TUT4: variants seen among roughly 807,000 people sequenced by gnomAD.
TUT4 encodes the protein terminal uridylyl transferase 4.
A neutral mutation model predicts 192.2 loss-of-function variants in TUT4; 36 were observed. The observed-to-expected ratio is 0.19, with a 90% CI of 0.14 to 0.25. TUT4 has a LOEUF of 0.25. Among genes scored for constraint, TUT4 ranks in the 10% least tolerant of loss-of-function variants. The pLI, the probability that TUT4 is intolerant of heterozygous loss-of-function variation, is 1.00. For synonymous variants in TUT4, 618 were observed against 666.0 expected (o/e 0.93, Z 1.11); for missense variants, 1,493 against 1,957.2 (o/e 0.76, Z 4.47).
At chr1:52,444,949 G>GTGTATATACATGTATATACATGTATA (rs1557670692) in intron 24 of TUT4, among the ~76,000 whole-genome samples, 3 of 132,748 alleles carry the variant, frequency 2.3e-5, no homozygotes, top group South Asian at 2.4e-4. Flanking sequence ...ATACATGTAT[G>GTGTATATACATGTATATACATGTATA]TGTATATACA....
At chr1:52,453,529 TAAAA>T (rs200257019) in intron 20 of TUT4, among the ~76,000 whole-genome samples, 7 of 141,518 alleles carry the variant, frequency 4.9e-5, no homozygotes, top group Non-Finnish European at 9.3e-5. Context: ...CATTCATGAT[TAAAA>T]AAAAAAAAAA....
At chr1:52,533,905 G>GCAC (rs1254613546) in intron 1 of TUT4, among the ~76,000 whole-genome samples, 1 of 152,220 alleles carries the variant, frequency 6.6e-6, no homozygotes, top group Non-Finnish European at 1.5e-5. Context: ...GGCGGAGATT[G>GCAC]CAGTGAGCTG....
chr1:52,548,046 CACATT>C (rs1178196935), intron 1 of TUT4, among the ~76,000 whole-genome samples: 1 of 152,102 alleles, frequency 6.6e-6, no homozygotes, highest in East Asian at 1.9e-4. Context: ...TACACTATTA[CACATT>C]ACATTAGCCA....
At chr1:52,484,616 G>T (rs1443677111) in intron 9 of TUT4, among the ~76,000 whole-genome samples, 1 of 151,944 alleles carries the variant, frequency 6.6e-6, no homozygotes, top group Non-Finnish European at 1.5e-5. Context: ...CATTTAGCAT[G>T]CTGAGTCCAA....
chr1:52,431,468 C>T lies in TUT4; in HGVS notation c.4264-8G>A. ...ATAAGATGGTGATTCAGACTGCAGA[C>T]AAAAAAAAAATTTTTTTTAATTAAT... On this transcript the variant is annotated splice_polypyrimidine_tract_variant and splice_region_variant and intron_variant, in intron 27 of 29. Coordinates refer to ENST00000257177, the MANE Select transcript of TUT4 (RefSeq NM_001009881.3). 1 of 1,414,178 alleles carries T rather than the reference C, an allele frequency of 7.1e-7. No homozygotes were observed. Among genetic ancestry groups the T allele is most frequent in the South Asian group, 1.6e-5 (1 of 62,416 alleles). The allele number at this position is 1,414,178 out of a possible 1,614,324, so 87.6% of individuals were successfully genotyped here. A position where few individuals can be genotyped will look rare whatever the true frequency, so the allele number is the denominator to read the frequency against.
chr1:52,550,582 A>T (rs987596422), intron 1 of TUT4, among the ~76,000 whole-genome samples: 5 of 147,786 alleles, frequency 3.4e-5, no homozygotes, highest in African/African-American at 1.3e-4. Context: ...GCCTCACTGC[A>T]ACCTTGAACT....
At chr1:52,439,778 C>A (rs1264378236) in intron 24 of TUT4, among the ~76,000 whole-genome samples, 1 of 152,070 alleles carries the variant, frequency 6.6e-6, no homozygotes, top group Non-Finnish European at 1.5e-5. Context: ...TAAGTATATA[C>A]CAAGAGAAAT....
At chr1:52,478,466 T>C (rs537357787) in intron 11 of TUT4, among the ~76,000 whole-genome samples, 1 of 152,354 alleles carries the variant, frequency 6.6e-6, no homozygotes, top group Non-Finnish European at 1.5e-5. Flanking sequence ...AGGTTTACCA[T>C]GTACCATTCA....
chr1:52,490,918 T>C (rs1670992545), intron 7 of TUT4, 117 bp from the exon 8 acceptor site: 1 of 832,446 alleles, frequency 1.2e-6, no homozygotes, highest in African/African-American at 1.7e-5. Flanking sequence ...TGTGGGATAA[T>C]CCACTCTTCT....
At chr1:52,489,990 G>C (rs993075148) in intron 8 of TUT4, among the ~76,000 whole-genome samples, 5 of 152,086 alleles carry the variant, frequency 3.3e-5, no homozygotes, top group African/African-American at 9.7e-5. Context: ...AAGGCACTTT[G>C]ATCTCTTAGA....
chr1:52,502,264 C>T (rs1204013408), intron 4 of TUT4, among the ~76,000 whole-genome samples: 1 of 152,044 alleles, frequency 6.6e-6, no homozygotes, highest in Non-Finnish European at 1.5e-5. Flanking sequence ...TTCCCTCCAC[C>T]CTCTCCAATA....
intron 9 of TUT4, among the ~76,000 whole-genome samples, chr1:52,487,465 A>T (rs1472228662): frequency 1.3e-5 from 2 of 151,878 alleles, no homozygotes; most frequent in Non-Finnish European, 2.9e-5. Context: ...AAAACTTAGT[A>T]AAAAAAACCA....
intron 28 of TUT4, among the ~76,000 whole-genome samples, chr1:52,426,335 T>C (rs1186244167): frequency 6.6e-6 from 1 of 152,200 alleles, no homozygotes; most frequent in Non-Finnish European, 1.5e-5. Context: ...ATGTAAGTCC[T>C]ATTCTTTTTA....
intron 2 of TUT4, among the ~76,000 whole-genome samples, chr1:52,521,822 G>C (rs1379462510): frequency 6.6e-6 from 1 of 152,058 alleles, no homozygotes; most frequent in Non-Finnish European, 1.5e-5. Flanking sequence ...AAATTAGCCA[G>C]GTGTGGTGGC....
chr1:52,439,682 A>G (rs4926917), intron 24 of TUT4, among the ~76,000 whole-genome samples: 26,187 of 152,264 alleles, frequency 0.17, 2,782 homozygotes, highest in Non-Finnish European at 0.24. Context: ...TGCTGGTGGG[A>G]ATGTAAAGTA....
intron 3 of TUT4, among the ~76,000 whole-genome samples, 170 bp from the exon 4 acceptor site, chr1:52,509,882 G>C (rs112844562): frequency 6.6e-6 from 1 of 152,056 alleles, no homozygotes; most frequent in African/African-American, 2.4e-5. Context: ...CTTATATACT[G>C]AAGAGATAGT....
intron 10 of TUT4, 71 bp from the exon 11 acceptor site, chr1:52,481,706 G>A: frequency 6.5e-7 from 1 of 1,533,866 alleles, no homozygotes; most frequent in South Asian, 1.3e-5. Flanking sequence ...TGGACAAACA[G>A]ACAAACCAGA....
intron 9 of TUT4, among the ~76,000 whole-genome samples, chr1:52,482,555 T>C (rs1045883904): frequency 1.3e-5 from 2 of 152,180 alleles, no homozygotes; most frequent in Admixed American, 6.5e-5. Context: ...TCCTTCCACA[T>C]AGCTGGGACT....
At chr1:52,500,810 C>T (rs919395959) in intron 4 of TUT4, among the ~76,000 whole-genome samples, 3 of 151,968 alleles carry the variant, frequency 2.0e-5, no homozygotes, top group African/African-American at 4.8e-5. Context: ...GTGGCACATG[C>T]TTGTGGTCCC....
Sources: gnomAD v4.1 joint callset for allele counts (sites outside exome capture counted in the v4.1 genomes callset) on GRCh38, gnomAD v4.1.1 for gene constraint, MANE v1.5 for transcripts, NCBI Gene and HGNC (gene_info 2026-07-23, HGNC 2026-07-21) for gene names.